Variants in MEI4 observed in about 807,000 individuals in gnomAD.
The protein encoded by MEI4 is meiotic double-stranded break formation protein 4.
A neutral mutation model predicts 31.4 loss-of-function variants in MEI4; 27 were observed. The observed-to-expected ratio is 0.86, with a 90% CI of 0.63 to 1.19. The LOEUF (loss-of-function observed/expected upper bound fraction) is 1.19. Among genes scored for constraint, MEI4 ranks in the 50% most tolerant of loss-of-function variants. The pLI, the probability that MEI4 is intolerant of heterozygous loss-of-function variation, is 0.00. For missense variants in MEI4, 329 were observed against 398.9 expected, an observed-to-expected ratio of 0.82 and a Z score of 1.49; for synonymous variants, 122 against 145.4, an observed-to-expected ratio of 0.84 and a Z score of 1.16.
At chr6:77,735,003 C>T (rs148471843) in intron 2 of MEI4, among the ~76,000 whole-genome samples, 31,557 of 151,908 alleles carry the variant, frequency 0.21, 3,758 homozygotes, top group African/African-American at 0.31. Context: ...CCGAGAGATC[C>T]GCTGTTAGTC....
chr6:77,784,476 A>G (rs1179455013), intron 3 of MEI4, among the ~76,000 whole-genome samples: 1 of 152,180 alleles, frequency 6.6e-6, no homozygotes, highest in African/African-American at 2.4e-5. Context: ...AACAAATGCT[A>G]TATAAAAATA....
intron 1 of MEI4, among the ~76,000 whole-genome samples, chr6:77,683,506 T>C (rs1311106450): frequency 6.6e-6 from 1 of 152,134 alleles, no homozygotes; most frequent in Non-Finnish European, 1.5e-5. Flanking sequence ...CTGGAAGTTA[T>C]TCATCTTGTC....
intron 2 of MEI4, among the ~76,000 whole-genome samples, chr6:77,696,141 T>C (rs568779492): frequency 2.6e-5 from 4 of 152,314 alleles, no homozygotes; most frequent in African/African-American, 4.8e-5. Context: ...CTGAAGTTGC[T>C]TATCAGCTTA....
intron 4 of MEI4, among the ~76,000 whole-genome samples, chr6:77,915,304 C>T (rs1423964678): frequency 6.6e-6 from 1 of 152,038 alleles, no homozygotes; most frequent in Non-Finnish European, 1.5e-5. Context: ...CTCCTTTCAG[C>T]ATTTCTTGTA....
intron 4 of MEI4, among the ~76,000 whole-genome samples, chr6:77,918,204 T>C (rs1326681546): frequency 6.6e-6 from 1 of 152,046 alleles, no homozygotes; most frequent in Non-Finnish European, 1.5e-5. Flanking sequence ...GGTAGTATGA[T>C]GGCTCCAGCT....
At chr6:77,890,859 G>A (rs1383832223) in intron 4 of MEI4, among the ~76,000 whole-genome samples, 2 of 152,064 alleles carry the variant, frequency 1.3e-5, no homozygotes, top group African/African-American at 4.8e-5. Context: ...TTCCTCCTTT[G>A]CCTGGCACAT....
intron 4 of MEI4, among the ~76,000 whole-genome samples, chr6:77,849,967 G>A (rs780102590): frequency 4.6e-5 from 7 of 152,142 alleles, no homozygotes; most frequent in South Asian, 2.1e-4. Context: ...GTGGCAGAAC[G>A]CGGTACAAAT....
chr6:77,827,087 G>A (rs556790703), intron 3 of MEI4, among the ~76,000 whole-genome samples: 5 of 152,184 alleles, frequency 3.3e-5, no homozygotes, highest in South Asian at 2.1e-4. Context: ...TAGGCCGGGC[G>A]CGGTGGCTCA....
At chr6:77,698,518 T>C (rs957584851) in intron 2 of MEI4, among the ~76,000 whole-genome samples, 3 of 152,196 alleles carry the variant, frequency 2.0e-5, no homozygotes, top group Admixed American at 1.3e-4. Flanking sequence ...ATTTCTCCTT[T>C]GCTTATGAAA....
At chr6:77,877,830 T>C (rs1771381431) in intron 4 of MEI4, among the ~76,000 whole-genome samples, 1 of 145,972 alleles carries the variant, frequency 6.9e-6, no homozygotes, top group Non-Finnish European at 1.5e-5. Context: ...TGAGACACAA[T>C]AAGAAAATAA....
At chr6:77,858,914 AAAAG>A (rs1770801044) in intron 4 of MEI4, among the ~76,000 whole-genome samples, 1 of 83,582 alleles carries the variant, frequency 1.2e-5, no homozygotes, top group African/African-American at 5.2e-5. Flanking sequence ...TTCTAAAAAA[AAAAG>A]AAAACAGGAC....
chr6:77,806,197 ATATTTATTGCT>A (rs554107473), intron 3 of MEI4, among the ~76,000 whole-genome samples: 67 of 152,286 alleles, frequency 4.4e-4, no homozygotes, highest in African/African-American at 1.5e-3. Context: ...CTACTTCTGC[ATATTTATTGCT>A]TTGGGCTTTA....
intron 3 of MEI4, among the ~76,000 whole-genome samples, chr6:77,780,648 T>C (rs535345849): frequency 1.3e-5 from 2 of 152,326 alleles, no homozygotes; most frequent in South Asian, 4.1e-4. Flanking sequence ...ATTAATCTAC[T>C]GTTTATGTCT....
At chr6:77,921,363 A>T (rs978546388) in intron 4 of MEI4, among the ~76,000 whole-genome samples, 1 of 151,788 alleles carries the variant, frequency 6.6e-6, no homozygotes, top group Admixed American at 6.6e-5. Flanking sequence ...ATAAAATTGA[A>T]GAGTTAGGCC....
chr6:77,873,498 A>T (rs1192468226), intron 4 of MEI4, among the ~76,000 whole-genome samples: 2 of 151,962 alleles, frequency 1.3e-5, no homozygotes, highest in African/African-American at 4.8e-5. Flanking sequence ...TAGATTCTGG[A>T]TATTAGCCCT....
At chr6:77,691,988 C>T (rs570968194) in intron 2 of MEI4, among the ~76,000 whole-genome samples, 3 of 152,068 alleles carry the variant, frequency 2.0e-5, no homozygotes, top group South Asian at 4.2e-4. Flanking sequence ...AATTAGGCTT[C>T]GCATTAGATT....
chr6:77,877,191 G>T (rs1771362777), intron 4 of MEI4, among the ~76,000 whole-genome samples: 2 of 152,046 alleles, frequency 1.3e-5, no homozygotes, highest in Admixed American at 1.3e-4. Flanking sequence ...GCAAATGAAT[G>T]TAATCACAAT....
intron 2 of MEI4, among the ~76,000 whole-genome samples, chr6:77,697,710 G>A (rs1766088306): frequency 1.3e-5 from 2 of 152,140 alleles, no homozygotes; most frequent in Admixed American, 1.3e-4. Context: ...TTTGGAACAG[G>A]TGTGGTGTGG....
At chr6:77,713,354 A>G (rs1392511787) in intron 2 of MEI4, among the ~76,000 whole-genome samples, 2 of 152,232 alleles carry the variant, frequency 1.3e-5, no homozygotes, top group Non-Finnish European at 2.9e-5. Context: ...CCTTAGCAGC[A>G]GAAGAACCTA....
Sources: gnomAD v4.1 joint callset for allele counts (sites outside exome capture counted in the v4.1 genomes callset) on GRCh38, gnomAD v4.1.1 for gene constraint, MANE v1.5 for transcripts, NCBI Gene and HGNC (gene_info 2026-07-23, HGNC 2026-07-21) for gene names.